Variants in ZNF83 observed in about 807,000 individuals in gnomAD.
ZNF83 encodes zinc finger protein 83, also known as zinc finger protein 816B.
For synonymous variants in ZNF83, 209 were observed against 213.0 expected (o/e 0.98, Z 0.17); for missense variants, 552 against 629.9 (o/e 0.88, Z 1.32).
intron 3 of ZNF83, chr19:52,653,380 C>T: frequency 2.9e-6 from 3 of 1,045,482 alleles, no homozygotes; most frequent in South Asian, 1.3e-5. Context: ...GAAAACCTTG[C>T]CACATTCATT....
chr19:52,619,981 A>G (rs141313754), intron 2 of ZNF83, among the ~76,000 whole-genome samples: 93 of 152,268 alleles, frequency 6.1e-4, no homozygotes, highest in Non-Finnish European at 9.3e-4. Flanking sequence ...CCATGAGGGT[A>G]CAGGTTGCAG....
intron 1 of ZNF83, among the ~76,000 whole-genome samples, chr19:52,663,478 A>G (rs930528711): frequency 1.3e-5 from 2 of 152,200 alleles, no homozygotes; most frequent in Non-Finnish European, 2.9e-5. Flanking sequence ...TATGGACCAG[A>G]GGAACTTGAG....
chr19:52,687,657 AATG>A (rs371050140), intron 1 of ZNF83, among the ~76,000 whole-genome samples: 530 of 14,610 alleles, frequency 0.036, 55 homozygotes, highest in African/African-American at 0.19. Flanking sequence ...ATATATATAT[AATG>A]TATATATATA....
At chr19:52,616,642 G>T (rs2060315591) in intron 2 of ZNF83, 1 of 152,156 alleles carries the variant, frequency 6.6e-6, no homozygotes, top group African/African-American at 2.4e-5. Flanking sequence ...TCGGGAGTTG[G>T]AGACCAGCCT....
At chr19:52,682,122 G>A (rs553169201) in intron 1 of ZNF83, among the ~76,000 whole-genome samples, 18 of 151,966 alleles carry the variant, frequency 1.2e-4, no homozygotes, top group African/African-American at 3.6e-4. Context: ...CTGGGATTAC[G>A]GGCATGAGCC....
intron 2 of ZNF83, among the ~76,000 whole-genome samples, chr19:52,633,189 A>C (rs1333421590): frequency 6.6e-6 from 1 of 151,834 alleles, no homozygotes; most frequent in Admixed American, 6.6e-5. Context: ...AAGCTCCCCT[A>C]CTGGGCACCT....
chr19:52,633,993 G>C (rs145356685), intron 2 of ZNF83, among the ~76,000 whole-genome samples: 11 of 152,062 alleles, frequency 7.2e-5, no homozygotes, highest in African/African-American at 2.7e-4. Flanking sequence ...GGTGGGGCTG[G>C]GCACCGTGGC....
At chr19:52,619,697 G>A (rs1324850162) in intron 2 of ZNF83, among the ~76,000 whole-genome samples, 2 of 151,902 alleles carry the variant, frequency 1.3e-5, no homozygotes, top group African/African-American at 4.8e-5. Flanking sequence ...ATGAGATAGA[G>A]CATGAGTGAT....
intron 3 of ZNF83, chr19:52,654,330 C>T: frequency 2.1e-6 from 3 of 1,419,840 alleles, no homozygotes; most frequent in Non-Finnish European, 2.0e-6. Context: ...TTTGCAATGT[C>T]CCTGTGTGGA....
chr19:52,654,467 G>A, intron 3 of ZNF83: 2 of 660,100 alleles, frequency 3.0e-6, no homozygotes, highest in Admixed American at 6.0e-5. Flanking sequence ...ATTTAATACT[G>A]AAATGTGTTA....
intron 2 of ZNF83, among the ~76,000 whole-genome samples, chr19:52,657,531 A>C (rs1020961750): frequency 1.3e-5 from 2 of 152,234 alleles, no homozygotes; most frequent in African/African-American, 2.4e-5. Context: ...GTCTCAAAAA[A>C]TAATAAAATA....
At chr19:52,667,945 C>G (rs2061676677) in intron 1 of ZNF83, among the ~76,000 whole-genome samples, 1 of 152,082 alleles carries the variant, frequency 6.6e-6, no homozygotes, top group Non-Finnish European at 1.5e-5. Flanking sequence ...ATTTGGCTTT[C>G]TTTGGTCTAA....
intron 1 of ZNF83, among the ~76,000 whole-genome samples, chr19:52,677,216 A>ACATATTATACACC (rs1317684452): frequency 6.6e-6 from 1 of 151,398 alleles, no homozygotes; most frequent in Admixed American, 6.6e-5. Context: ...ATCAGCCTGC[A>ACATATTATACACC]GTTCACACCA....
At chr19:52,638,370 G>C (rs914693475), upstream of ZNF83, 4 of 123,718 alleles carry the variant, frequency 3.2e-5, no homozygotes, top group Non-Finnish European at 7.4e-5. Context: ...GCATGTGCGC[G>C]CGCAGTACAG....
intron 3 of ZNF83, chr19:52,652,964 A>G: frequency 7.7e-7 from 1 of 1,296,938 alleles, no homozygotes; most frequent in Non-Finnish European, 1.1e-6. Flanking sequence ...GTCTTGCCAC[A>G]CTCATTACAC....
chr19:52,612,589 C>T (rs1046679), exon 3 of ZNF83: 56,453 of 165,906 alleles, frequency 0.34, 9,872 homozygotes, highest in Middle Eastern at 0.47. Context: ...CTTTGGCCTG[C>T]GGAAAATCTC....
chr19:52,642,983 C>G (rs2061327488), upstream of ZNF83, among the ~76,000 whole-genome samples: 1 of 152,038 alleles, frequency 6.6e-6, no homozygotes. Flanking sequence ...ATGGTGAAAC[C>G]CTGTCTCTAC....
chr19:52,655,400 A>G (rs2061492257), intron 3 of ZNF83: 12 of 703,222 alleles, frequency 1.7e-5, no homozygotes, highest in Middle Eastern at 4.1e-4. Context: ...ATAGTCTCTA[A>G]GAAGCTGTCT....
chr19:52,628,440 T>C (rs1202671910), intron 2 of ZNF83, among the ~76,000 whole-genome samples: 1 of 152,194 alleles, frequency 6.6e-6, no homozygotes, highest in African/African-American at 2.4e-5. Context: ...CTCCTTTCTC[T>C]TAATTTCAAT....
Sources: allele counts gnomAD v4.1 joint callset (sites outside exome capture counted in the v4.1 genomes callset), GRCh38; gene constraint gnomAD v4.1.1; transcripts MANE v1.5; gene names NCBI Gene and HGNC (gene_info 2026-07-23, HGNC 2026-07-21).